Variants in OR6N1 observed in about 807,000 individuals in gnomAD.
OR6N1 encodes olfactory receptor 6N1.
For missense variants in OR6N1, 394 were observed against 371.7 expected (o/e 1.06, Z -0.49); for synonymous variants, 170 against 150.7 (o/e 1.13, Z -0.94).
the OR6N1 span, among the ~76,000 whole-genome samples, chr1:158,807,082 C>T: frequency 7.3e-5 from 11 of 150,278 alleles, no homozygotes; most frequent in Non-Finnish European, 1.3e-4. Flanking sequence ...AGCACTCATT[C>T]ATTGCCAGCC....
chr1:158,773,075 AAG>A (rs1244867792), upstream of OR6N1, among the ~76,000 whole-genome samples: 1 of 152,112 alleles, frequency 6.6e-6, no homozygotes, highest in Non-Finnish European at 1.5e-5. Context: ...GAACTATGAG[AAG>A]AATTAAATAA....
chr1:158,836,603 C>A, the OR6N1 span, among the ~76,000 whole-genome samples: 1 of 151,686 alleles, frequency 6.6e-6, no homozygotes, highest in African/African-American at 2.4e-5. Context: ...TTATTTGAGT[C>A]TCCTTCTTTT....
At chr1:158,786,652 G>A in the OR6N1 span, among the ~76,000 whole-genome samples, 2 of 152,144 alleles carry the variant, frequency 1.3e-5, no homozygotes, top group African/African-American at 4.8e-5. Context: ...TATACACCAC[G>A]TAATACTACT....
upstream of OR6N1, chr1:158,775,259 G>A (rs930324092): frequency 2.0e-5 from 3 of 152,152 alleles, no homozygotes; most frequent in African/African-American, 2.4e-5. Flanking sequence ...TAGCATCACT[G>A]GAAATTGATA....
At chr1:158,768,489 C>T (rs959228607) in intron 1 of OR6N1, among the ~76,000 whole-genome samples, 15 of 152,298 alleles carry the variant, frequency 9.8e-5, no homozygotes, top group South Asian at 2.1e-4. Context: ...TTGACCACCT[C>T]GGTCCAAGTC....
upstream of OR6N1, among the ~76,000 whole-genome samples, chr1:158,773,793 C>T (rs1218618698): frequency 2.0e-5 from 3 of 151,976 alleles, no homozygotes; most frequent in Non-Finnish European, 4.4e-5. Context: ...TTCAAGGCTA[C>T]CAAAATAATT....
chr1:158,826,294 C>T, the OR6N1 span, among the ~76,000 whole-genome samples: 1 of 151,866 alleles, frequency 6.6e-6, no homozygotes, highest in South Asian at 2.1e-4. Context: ...TAAAAACATA[C>T]TTTTTATTAA....
At chr1:158,805,964 A>C in the OR6N1 span, among the ~76,000 whole-genome samples, 1 of 152,210 alleles carries the variant, frequency 6.6e-6, no homozygotes, top group Non-Finnish European at 1.5e-5. Context: ...CACCCCACAG[A>C]TATTAGTAAT....
At chr1:158,776,461 A>T (rs1382405701), upstream of OR6N1, 15 of 387,054 alleles carry the variant, frequency 3.9e-5, no homozygotes, top group African/African-American at 1.7e-4. Context: ...GCTTTTTTTT[A>T]AAAAAAGAAG....
At chr1:158,820,224 T>C in the OR6N1 span, among the ~76,000 whole-genome samples, 1 of 152,230 alleles carries the variant, frequency 6.6e-6, no homozygotes, top group Non-Finnish European at 1.5e-5. Flanking sequence ...CTTGCCCTCA[T>C]TCCGGTAAAC....
chr1:158,773,220 G>A (rs187261379), upstream of OR6N1, among the ~76,000 whole-genome samples: 13 of 150,118 alleles, frequency 8.7e-5, no homozygotes, highest in African/African-American at 3.2e-4. Context: ...TATTTTGTTT[G>A]TGGTAAATAG....
chr1:158,778,604 A>G, the OR6N1 span, among the ~76,000 whole-genome samples: 4 of 152,184 alleles, frequency 2.6e-5, no homozygotes, highest in Admixed American at 2.6e-4. Flanking sequence ...GTAGACTTTT[A>G]AAACATAAGT....
At chr1:158,807,111 G>A in the OR6N1 span, among the ~76,000 whole-genome samples, 1 of 151,864 alleles carries the variant, frequency 6.6e-6, no homozygotes, top group Non-Finnish European at 1.5e-5. Context: ...TACAGACAGA[G>A]AGAATGAGGC....
the OR6N1 span, among the ~76,000 whole-genome samples, chr1:158,837,616 C>A: frequency 6.6e-6 from 1 of 151,714 alleles, no homozygotes; most frequent in African/African-American, 2.4e-5. Flanking sequence ...CTCTTGTATG[C>A]AACATATACT....
At chr1:158,803,799 G>A in the OR6N1 span, among the ~76,000 whole-genome samples, 1 of 151,304 alleles carries the variant, frequency 6.6e-6, no homozygotes, top group African/African-American at 2.4e-5. Context: ...AACAATCAAG[G>A]CTTCCAAGTT....
At chr1:158,796,084 A>G in the OR6N1 span, 2 of 152,304 alleles carry the variant, frequency 1.3e-5, no homozygotes, top group Non-Finnish European at 2.9e-5. Flanking sequence ...TATAACCTAC[A>G]GTGGGAAAAC....
the OR6N1 span, among the ~76,000 whole-genome samples, chr1:158,784,795 A>T: frequency 2.0e-5 from 3 of 152,158 alleles, no homozygotes; most frequent in Non-Finnish European, 4.4e-5. Context: ...GCATATATAC[A>T]CTGCATTTTC....
At chr1:158,771,669 G>A (rs1025717842) in intron 1 of OR6N1, among the ~76,000 whole-genome samples, 1 of 152,168 alleles carries the variant, frequency 6.6e-6, no homozygotes, top group Non-Finnish European at 1.5e-5. Flanking sequence ...AGATCTGGGG[G>A]TAAGAAGGGA....
At chr1:158,810,849 A>G in the OR6N1 span, among the ~76,000 whole-genome samples, 1 of 152,092 alleles carries the variant, frequency 6.6e-6, no homozygotes, top group South Asian at 2.1e-4. Flanking sequence ...TTTTTTACTA[A>G]TGTGTAATAC....
Sources: allele counts gnomAD v4.1 joint callset (sites outside exome capture counted in the v4.1 genomes callset), GRCh38; gene constraint gnomAD v4.1.1; transcripts MANE v1.5; gene names NCBI Gene and HGNC (gene_info 2026-07-23, HGNC 2026-07-21).